The following SLIT2 variants were observed in gnomAD, a reference collection of about 807,000 sequenced individuals.
The protein encoded by SLIT2 is slit homolog 2 protein.
A neutral mutation model predicts 185.7 loss-of-function variants in SLIT2; 41 were observed. That is an observed-to-expected ratio of 0.22 (90% CI 0.17 to 0.29). The LOEUF (loss-of-function observed/expected upper bound fraction) is 0.29, where lower values mean the gene tolerates loss of function less well. SLIT2 is among the 10% of genes least tolerant of loss of function. The probability of loss-of-function intolerance (pLI) is 1.00; values close to 1 mark genes in which losing one functional copy is unlikely to be tolerated. For synonymous variants in SLIT2, 693 were observed against 680.2 expected (o/e 1.02, Z -0.29); for missense variants, 1,571 against 1,909.0 (o/e 0.82, Z 3.30).
At chr4:20,598,919 A>G (rs1728198797) in intron 33 of SLIT2, among the ~76,000 whole-genome samples, 1 of 152,172 alleles carries the variant, frequency 6.6e-6, no homozygotes, top group Non-Finnish European at 1.5e-5. Context: ...CTAGTAATGT[A>G]GCTTGCACAT....
rs75516863 is a variant in SLIT2, at chr4:20,313,748, C to G, written c.395+44867C>G. Among the ~76,000 whole-genome samples, 761 of 152,072 alleles carry G rather than the reference C, an allele frequency of 5.0e-3. 7 individuals carry two copies. Among genetic ancestry groups the G allele is most frequent in the African/African-American group, 0.018 (739 of 41,468 alleles). On this transcript the variant is annotated intron_variant, in intron 4 of 36. Coordinates refer to ENST00000504154, the MANE Select transcript of SLIT2 (RefSeq NM_004787.4). ...CTCATAAGGAGTGTGCAACCTAGATCCCTCGCAAGCACAGTTGGCAAAAGG... is the reference window on the plus strand; with the variant it reads ...CTCATAAGGAGTGTGCAACCTAGATGCCTCGCAAGCACAGTTGGCAAAAGG...
chr4:20,354,898 TGTGTGTGTGA>T (rs754395375), intron 4 of SLIT2, among the ~76,000 whole-genome samples: 8,249 of 123,606 alleles, frequency 0.067, 278 homozygotes, highest in Non-Finnish European at 0.09. Flanking sequence ...TGTGTGTGTG[TGTGTGTGTGA>T]GAGAGAGAGA....
Position 20,374,646 on chromosome 4 carries a change from T to TC in SLIT2, c.396-93104dup, listed in dbSNP as rs1333339821. Among the ~76,000 whole-genome samples the TC allele has an allele frequency of 1.1e-4, 16 of 152,118 alleles. 1 individual carries two copies. The highest frequency in any genetic ancestry group is 6.8e-3 in the Middle Eastern group (2 of 294). The stretch of plus-strand genomic sequence containing the variant: ...AATCTGTATTCTTTTTCCTCTTCTC[T>TC]CCTTCTCTTCCCTTTCTCCTTCTTT... On this transcript the variant is annotated intron_variant, in intron 4 of 36. Transcript: ENST00000504154.
intron 3 of SLIT2, among the ~76,000 whole-genome samples, chr4:20,262,917 C>T (rs1712640780): frequency 1.3e-5 from 2 of 151,730 alleles, no homozygotes; most frequent in Non-Finnish European, 3.0e-5. Context: ...CCCGTTTGCT[C>T]TTTGTCGACC....
At chr4:20,428,256 A>T (rs1560414702) in intron 4 of SLIT2, among the ~76,000 whole-genome samples, 1 of 152,220 alleles carries the variant, frequency 6.6e-6, no homozygotes, top group African/African-American at 2.4e-5. Flanking sequence ...CAGAATATCA[A>T]ACATAAATAT....
In SLIT2 at chr4:20,539,313, G is replaced by A. The variant is rs1722589741; in HGVS notation, c.1833-128G>A. On this transcript the variant is annotated intron_variant, in intron 18 of 36. Coordinates refer to ENST00000504154, the MANE Select transcript of SLIT2 (RefSeq NM_004787.4). ...TATATATTCATAGCAATATCTAATA[G>A]CAAGAGAACATTTTTAAAAAGTAGT... is the stretch of plus-strand genomic sequence containing the variant. The A allele has an allele frequency of 5.3e-6, 4 of 752,970 alleles. No homozygotes were observed. In the South Asian group the frequency reaches 6.2e-5, roughly 12 times the overall value. The allele number at this position is 752,970 out of a possible 1,614,324, so 46.6% of individuals were successfully genotyped here. A position where few individuals can be genotyped will look rare whatever the true frequency, so the allele number is the denominator to read the frequency against.
intron 4 of SLIT2, among the ~76,000 whole-genome samples, chr4:20,294,524 C>T (rs549966648): frequency 6.6e-6 from 1 of 152,124 alleles, no homozygotes; most frequent in Admixed American, 6.5e-5. Context: ...AGTTTCTCCC[C>T]CATAAATTCT....
intron 4 of SLIT2, among the ~76,000 whole-genome samples, chr4:20,439,659 G>A (rs1729598135): frequency 6.6e-6 from 1 of 152,170 alleles, no homozygotes; most frequent in Admixed American, 6.5e-5. Flanking sequence ...CAAGTGATGT[G>A]AATTGGGAGG....
intron 33 of SLIT2, among the ~76,000 whole-genome samples, chr4:20,599,054 C>T (rs1728209624): frequency 6.6e-6 from 1 of 152,178 alleles, no homozygotes; most frequent in Admixed American, 6.5e-5. Flanking sequence ...TTATTGAGCA[C>T]TTACTATGTG....
intron 3 of SLIT2, among the ~76,000 whole-genome samples, chr4:20,262,262 A>G (rs1712551273): frequency 6.6e-6 from 1 of 151,800 alleles, no homozygotes; most frequent in Admixed American, 6.6e-5. Context: ...CTGCATACAC[A>G]TATCACTCCT....
intron 4 of SLIT2, among the ~76,000 whole-genome samples, chr4:20,269,115 TA>T (rs563642244): frequency 6.1e-4 from 93 of 151,998 alleles, no homozygotes; most frequent in African/African-American, 2.1e-3. Context: ...GGATTATTAT[TA>T]TTTTTTTGGT....
chr4:20,379,449 G>A (rs1724312526), intron 4 of SLIT2, among the ~76,000 whole-genome samples: 1 of 152,118 alleles, frequency 6.6e-6, no homozygotes, highest in African/African-American at 2.4e-5. Flanking sequence ...TAGTAAGTGT[G>A]AGTGCTTGAT....
At chr4:20,580,521 G>A (rs754100964) in intron 29 of SLIT2, among the ~76,000 whole-genome samples, 22 of 151,904 alleles carry the variant, frequency 1.4e-4, no homozygotes, top group Non-Finnish European at 2.8e-4. Flanking sequence ...ACAGGCATTC[G>A]ACTCACTTTC....
Position 20,596,405 on chromosome 4 carries a change from T to G in SLIT2, c.3321-10T>G. ...GTATTAACTAATTTTTTTTTCTCCT[T>G]ATTCTTCAGTGGCTTGTTCTGTGAG... On this transcript the variant is annotated splice_polypyrimidine_tract_variant and intron_variant, in intron 31 of 36. Transcript: ENST00000504154. 15 of 1,609,210 alleles carry G rather than the reference T, an allele frequency of 9.3e-6. No individual in the cohort carries two copies. The highest frequency in any genetic ancestry group is 1.3e-5 in the Non-Finnish European group (15 of 1,178,578).
At chr4:20,353,848 A>G (rs1722082682) in intron 4 of SLIT2, among the ~76,000 whole-genome samples, 1 of 152,194 alleles carries the variant, frequency 6.6e-6, no homozygotes, top group Non-Finnish European at 1.5e-5. Context: ...TGCAGTGGGG[A>G]TTAGAAGAAA....
Position 20,480,798 on chromosome 4 carries a change from C to A in SLIT2, c.539+11C>A. The A allele has an allele frequency of 6.3e-7, 1 of 1,597,150 alleles. No individual in the cohort carries two copies. The highest frequency in any genetic ancestry group is 8.6e-7 in the Non-Finnish European group (1 of 1,164,592). On this transcript the variant is annotated intron_variant, in intron 6 of 36. Transcript: ENST00000504154. Reference sequence around the variant, plus strand: ...GGACCTGGAAGTGCTGTAAGTACTGCTATTTCTCTTGCTCTTTTAACGGGG... The same window carrying A: ...GGACCTGGAAGTGCTGTAAGTACTGATATTTCTCTTGCTCTTTTAACGGGG...
chr4:20,514,364 G>A (rs1248961832), intron 11 of SLIT2, among the ~76,000 whole-genome samples: 1 of 152,144 alleles, frequency 6.6e-6, no homozygotes, highest in Non-Finnish European at 1.5e-5. Context: ...ATTTCAGCCA[G>A]GCGTGGTGGC....
intron 4 of SLIT2, among the ~76,000 whole-genome samples, chr4:20,280,943 C>A (rs1714706106): frequency 1.3e-5 from 2 of 151,584 alleles, no homozygotes; most frequent in Admixed American, 6.6e-5. Context: ...AGCGATTCTC[C>A]TACCTAAACT....
chr4:20,497,289 T>G (rs1718310976), intron 9 of SLIT2, among the ~76,000 whole-genome samples: 1 of 151,842 alleles, frequency 6.6e-6, no homozygotes, highest in African/African-American at 2.4e-5. Context: ...TCAAAAAACT[T>G]AGAAATTTTG....
Sources: gnomAD v4.1 joint callset for allele counts (sites outside exome capture counted in the v4.1 genomes callset) on GRCh38, gnomAD v4.1.1 for gene constraint, MANE v1.5 for transcripts, NCBI Gene and HGNC (gene_info 2026-07-23, HGNC 2026-07-21) for gene names.